The following AP1B1 variants were observed in gnomAD, a reference collection of about 807,000 sequenced individuals.
The protein encoded by AP1B1 is adaptor related protein complex 1 subunit beta 1, also known as AP-1 complex subunit beta-1.
Under a neutral mutation model 104.3 loss-of-function variants are expected in AP1B1, and 36 were observed. The ratio of observed to expected loss-of-function variants is 0.35; its 90% CI spans 0.26 to 0.46. The LOEUF (loss-of-function observed/expected upper bound fraction) is 0.46. AP1B1 is among the 20% of genes least tolerant of loss of function. The probability of loss-of-function intolerance (pLI) is 1.00; values close to 1 mark genes in which losing one functional copy is unlikely to be tolerated. For missense variants in AP1B1, 901 were observed against 1,247.9 expected (o/e 0.72, Z 4.19); for synonymous variants, 504 against 517.5 (o/e 0.97, Z 0.35).
intron 11 of AP1B1, among the ~76,000 whole-genome samples, chr22:29,346,977 A>G (rs758351526): frequency 1.5e-4 from 23 of 152,178 alleles, no homozygotes; most frequent in Non-Finnish European, 2.6e-4. Flanking sequence ...GACCTCGCCA[A>G]CCAGAGTCAC....
rs143078265 is a variant in AP1B1 at position 29,353,965 on chromosome 22, T to C, written c.938+685A>G. On this transcript the variant is annotated intron_variant, in intron 7 of 22. Coordinates refer to ENST00000357586, the MANE Select transcript of AP1B1 (RefSeq NM_001127.4). ...CCACTTCAGAGGAAGAAGGGGATCATGCCATGAACCCCTCCGATCCAGCAC... is the reference window on the plus strand; with the variant it reads ...CCACTTCAGAGGAAGAAGGGGATCACGCCATGAACCCCTCCGATCCAGCAC... 6.5e-3 allele frequency among the ~76,000 whole-genome samples: 992 copies of C among 152,308 alleles called. 11 individuals carry two copies. The highest frequency in any genetic ancestry group is 0.031 in the Middle Eastern group (9 of 294).
At position 29,330,045 on chromosome 22, in the gene AP1B1, T is replaced by A. The variant is rs1395470749; in HGVS notation, c.2767-325A>T. 2.1e-6 allele frequency: 3 copies of A among 1,407,292 alleles called. No homozygotes were observed. The African/African-American group carries it at 4.3e-5, about 20-fold the overall frequency. 87.2% of individuals were successfully genotyped at this position (1,407,292 alleles called of 1,614,324 possible). A position where few individuals can be genotyped will look rare whatever the true frequency, so the allele number is the denominator to read the frequency against. ...GAACCACTGTCCTCCCAGCTGGACA[T>A]GCAGGCACTCACAGGACAGGGCCAG... On this transcript the variant is annotated intron_variant, in intron 21 of 22. Coordinates refer to ENST00000357586, the MANE Select transcript of AP1B1 (RefSeq NM_001127.4).
intron 1 of AP1B1, among the ~76,000 whole-genome samples, chr22:29,372,220 C>T (rs1357898216): frequency 7.2e-5 from 11 of 151,920 alleles, no homozygotes; most frequent in African/African-American, 2.2e-4. Flanking sequence ...GTCAGGAGTT[C>T]GAGACCAGCC....
At chr22:29,330,937 T>G (rs529928326) in intron 19 of AP1B1, among the ~76,000 whole-genome samples, 25 of 152,018 alleles carry the variant, frequency 1.6e-4, no homozygotes, top group African/African-American at 5.3e-4. Flanking sequence ...AGGCCTTGGA[T>G]CTCCCCTCCC....
chr22:29,357,688 GT>G (rs695400), intron 5 of AP1B1, among the ~76,000 whole-genome samples: 37 of 126,072 alleles, frequency 2.9e-4, no homozygotes, highest in Middle Eastern at 4.0e-3. Flanking sequence ...TCAGGCAGCT[GT>G]TTTTTTTTTT....
chr22:29,354,965 A>AAC (rs1469385849), intron 6 of AP1B1, 94 bp from the exon 7 acceptor site: 1 of 1,147,620 alleles, frequency 8.7e-7, no homozygotes, highest in Admixed American at 2.0e-5. Context: ...GCCAGGCGTG[A>AAC]TAGTTCACGC....
In AP1B1 at chr22:29,341,618, A is replaced by T; in HGVS notation, c.1679T>A (p.Leu560Ter). 1 of 1,614,246 alleles carries T rather than the reference A, an allele frequency of 6.2e-7. No individual in the cohort carries two copies. Among genetic ancestry groups the T allele is most frequent in the Non-Finnish European group, 8.5e-7 (1 of 1,180,038 alleles). ...GCCGATGTAGCAGATAAGCTCGTCTAACAGTGTGGGCTCGATGAGGTCCGT... is the reference window on the plus strand; with the variant it reads ...GCCGATGTAGCAGATAAGCTCGTCTTACAGTGTGGGCTCGATGAGGTCCGT... ...EETDLIEPTL[L>*]DELICYIGTL... The change falls in exon 13 of 23, where the codon TTA (leucine) becomes TAA (stop). Residue 560 changes from leucine (L) to a stop codon, truncating the protein, a stop_gained. Coordinates refer to ENST00000357586, the MANE Select transcript of AP1B1 (RefSeq NM_001127.4). LOFTEE classifies it high-confidence loss of function.
At chr22:29,341,141 C>A (rs973827747) in intron 13 of AP1B1, among the ~76,000 whole-genome samples, 1 of 152,238 alleles carries the variant, frequency 6.6e-6, no homozygotes, top group African/African-American at 2.4e-5. Context: ...ACGGTGCCAC[C>A]AGGCCACACC....
intron 1 of AP1B1, among the ~76,000 whole-genome samples, chr22:29,382,614 G>C (rs775193574): frequency 2.6e-5 from 4 of 152,152 alleles, no homozygotes; most frequent in Non-Finnish European, 4.4e-5. Flanking sequence ...AAGGAGGATA[G>C]GGAGGGGAGA....
chr22:29,330,519 G>A lies in AP1B1; in HGVS notation c.2625C>T (p.Ser875=). 1 of 1,610,428 alleles carries A rather than the reference G, an allele frequency of 6.2e-7. No homozygotes were observed. Among genetic ancestry groups the A allele is most frequent in the Non-Finnish European group, 8.5e-7 (1 of 1,176,978 alleles). The change falls in exon 21 of 23, where the codon AGC becomes AGT. Residue 875 remains serine, a synonymous_variant. Transcript: ENST00000357586. The part of the protein sequence containing the change: ...DCPLNAEAAS[S]KLQSSNIFTV... Reference sequence around the variant, plus strand: ...TGAAGATGTTGCTGCTCTGCAGCTTGCTGCTCGCAGCCTCTGTGGGGTCAC... The same window carrying A: ...TGAAGATGTTGCTGCTCTGCAGCTTACTGCTCGCAGCCTCTGTGGGGTCAC...
At chr22:29,372,424 CAAAA>C (rs695265) in intron 1 of AP1B1, among the ~76,000 whole-genome samples, 3 of 53,318 alleles carry the variant, frequency 5.6e-5, no homozygotes, top group Non-Finnish European at 8.2e-5. Flanking sequence ...AACTGGGTCT[CAAAA>C]AAAAAAAAAA....
chr22:29,342,345 A>G lies in AP1B1; in HGVS notation c.1476T>C (p.Phe492=), dbSNP rs1262889581. Residue 492 remains phenylalanine (F), a synonymous_variant, in exon 12 of 23, where the codon TTT becomes TTC. Transcript: ENST00000357586. ...LQLLTAIVKL[F]LKKPTETQEL... ...CCTGGGTCTCTGTTGGCTTCTTTAG[A>G]AAGAGTTTCACAATGGCTGTCAGCA... The G allele has an allele frequency of 6.2e-7, 1 of 1,614,044 alleles. No homozygotes were observed. Among genetic ancestry groups the G allele is most frequent in the African/African-American group, 1.3e-5 (1 of 74,934 alleles).
intron 17 of AP1B1, 140 bp downstream of exon 17, chr22:29,334,125 T>C: frequency 3.1e-6 from 3 of 983,594 alleles, no homozygotes; most frequent in Non-Finnish European, 4.4e-6. Context: ...TGAGCGGTGG[T>C]GGGGAACATC....
intron 17 of AP1B1, among the ~76,000 whole-genome samples, chr22:29,332,791 C>A (rs1336673338): frequency 6.6e-6 from 1 of 152,188 alleles, no homozygotes; most frequent in African/African-American, 2.4e-5. Context: ...CAGAGGGAGA[C>A]CATTTGGGGA....
At chr22:29,334,494 C>T (rs2061608862) in intron 16 of AP1B1, 84 bp from the exon 17 acceptor site, 1 of 1,438,364 alleles carries the variant, frequency 7.0e-7, no homozygotes, top group Non-Finnish European at 9.2e-7. Flanking sequence ...GGTGCTTTTT[C>T]TCTCTCTCTC....
Position 29,330,448 on chromosome 22 carries a change from G to A in AP1B1, c.2696C>T (p.Ser899Phe). 6.2e-7 allele frequency: 1 copy of A among 1,613,968 alleles called. No individual in the cohort carries two copies. The highest frequency in any genetic ancestry group is 8.5e-7 in the Non-Finnish European group (1 of 1,179,986). Reference protein sequence around the residue: ...NVEGQDMLYQSLKLTNGIWVL... With the variant: ...NVEGQDMLYQFLKLTNGIWVL... ...CCAGATGCCGTTGGTCAGCTTCAGG[G>A]ACTGGTAGAGCATGTCCTGGCCCTC... Residue 899 changes from serine (S) to phenylalanine (F), a missense_variant, in exon 21 of 23, where the codon TCC (serine) becomes TTC (phenylalanine). By Grantham distance (155) the Ser-to-Phe change is radical. This residue lies in a region of AP1B1 where 424 missense variants were observed against 494.0 expected (regional missense o/e 0.86). Coordinates refer to ENST00000357586, the MANE Select transcript of AP1B1 (RefSeq NM_001127.4).
At chr22:29,340,960 C>G (rs1831783165) in intron 13 of AP1B1, 103 bp from the exon 14 acceptor site, 4 of 1,183,674 alleles carry the variant, frequency 3.4e-6, no homozygotes, top group Non-Finnish European at 2.4e-6. Flanking sequence ...GGCACTGAGT[C>G]TCCTCACTGT....
Position 29,328,460 on chromosome 22 carries a change from G to A in AP1B1, c.*361C>T, listed in dbSNP as rs1164817276. Reference sequence around the variant, plus strand: ...AGGGCCCTTTAACACCAACCGGAGAGACCAAGGAGCCAGGGGCTGCCGGGG... The same window carrying A: ...AGGGCCCTTTAACACCAACCGGAGAAACCAAGGAGCCAGGGGCTGCCGGGG... On this transcript the variant is annotated 3_prime_UTR_variant, in exon 23 of 23. Coordinates refer to ENST00000357586, the MANE Select transcript of AP1B1 (RefSeq NM_001127.4). The surrounding 1 kb of genome is among the most constrained non-coding windows in gnomAD (Gnocchi z 4.1). 7 of 237,898 alleles carry A rather than the reference G, an allele frequency of 2.9e-5. No individual in the cohort carries two copies. The highest frequency in any genetic ancestry group is 1.7e-5 in the Non-Finnish European group (2 of 119,482). The allele number at this position is 237,898 out of a possible 1,614,324, so 14.7% of individuals were successfully genotyped here.
rs148296192 is a variant in AP1B1, at chr22:29,328,927, C to T, written c.2776-32G>A. The T allele has an allele frequency of 1.5e-5, 24 of 1,593,994 alleles. No homozygotes were observed. The highest frequency in any genetic ancestry group is 7.2e-5 in the Admixed American group (4 of 55,934). On this transcript the variant is annotated intron_variant, in intron 22 of 22. Transcript: ENST00000357586. This position sits in a 1 kb window ranked among gnomAD's most constrained non-coding sequence, Gnocchi z 4.1. ...GGGAGAGAGGGGTCGGGGGAAAGAG[C>T]GCTCATCCCTGGGGTTCCTCTCAGG... is the stretch of plus-strand genomic sequence containing the variant.
Sources: allele counts gnomAD v4.1 joint callset (sites outside exome capture counted in the v4.1 genomes callset), GRCh38; gene constraint gnomAD v4.1.1; regional missense constraint gnomAD v4.1.1; non-coding constraint Gnocchi (gnomAD v3.1); transcripts MANE v1.5; gene names NCBI Gene and HGNC (gene_info 2026-07-23, HGNC 2026-07-21).